Variants in C4orf51 observed in about 807,000 individuals in gnomAD.
C4orf51 encodes uncharacterized protein C4orf51.
In C4orf51, 25 loss-of-function variants were observed where a neutral mutation model predicts 25.2. The ratio of observed to expected loss-of-function variants is 0.99; its 90% CI spans 0.72 to 1.39. C4orf51 has a LOEUF of 1.39. C4orf51 is among the 40% of genes most tolerant of loss of function. C4orf51 has a pLI of 0.00. For synonymous variants in C4orf51, 100 were observed against 84.5 expected (o/e 1.18, Z -1.01); for missense variants, 252 against 239.6 (o/e 1.05, Z -0.34).
chr4:145,787,594 G>A, the C4orf51 span, among the ~76,000 whole-genome samples: 1 of 151,980 alleles, frequency 6.6e-6, no homozygotes, highest in East Asian at 1.9e-4. Context: ...AACCTCCAAT[G>A]CTTAACAAAC....
downstream of C4orf51, among the ~76,000 whole-genome samples, chr4:145,733,111 C>A (rs945972749): frequency 1.3e-5 from 2 of 152,108 alleles, no homozygotes; most frequent in Non-Finnish European, 2.9e-5. Flanking sequence ...CCGGCTCCCT[C>A]GGTAGGCTGC....
At chr4:145,684,423 A>T (rs988443184) in intron 1 of C4orf51, among the ~76,000 whole-genome samples, 1 of 152,240 alleles carries the variant, frequency 6.6e-6, no homozygotes, top group Non-Finnish European at 1.5e-5. Flanking sequence ...CGGAGCTTGC[A>T]GTGAGCCAAG....
At chr4:145,784,018 G>C in the C4orf51 span, among the ~76,000 whole-genome samples, 2 of 152,124 alleles carry the variant, frequency 1.3e-5, no homozygotes. Flanking sequence ...GTTTAAAAGT[G>C]TGCAGCACCT....
At chr4:145,689,850 A>G (rs1028326873) in intron 1 of C4orf51, among the ~76,000 whole-genome samples, 2 of 152,188 alleles carry the variant, frequency 1.3e-5, no homozygotes. Flanking sequence ...ACCTTTCACC[A>G]TATAAAAAAA....
intron 1 of C4orf51, among the ~76,000 whole-genome samples, chr4:145,689,225 A>C (rs1729372676): frequency 6.6e-6 from 1 of 152,260 alleles, no homozygotes; most frequent in Non-Finnish European, 1.5e-5. Context: ...AAGATTTCTT[A>C]AACAAAACAC....
At chr4:145,747,770 C>CTG (rs1193389589) in intron 1 of C4orf51, among the ~76,000 whole-genome samples, 243 of 142,134 alleles carry the variant, frequency 1.7e-3, no homozygotes, top group African/African-American at 6.1e-3. Context: ...CTTCCTCTCT[C>CTG]TTTTCCTTTT....
rs748142852 is a variant in C4orf51, at chr4:145,765,668, T to G, written n.167-5320T>G. Reference sequence around the variant, plus strand: ...CATCTGAATCATCTTTGCTGTTGGCTGAATCACTCAGAGCTGAGAGGGAGG... The same window carrying G: ...CATCTGAATCATCTTTGCTGTTGGCGGAATCACTCAGAGCTGAGAGGGAGG... On this transcript the variant is annotated intron_variant and non_coding_transcript_variant, in intron 1 of 1. Coordinates refer to the C4orf51 transcript ENST00000510096. This position sits in a 1 kb window ranked among gnomAD's most constrained non-coding sequence, Gnocchi z 4.7. 2 of 1,614,190 alleles carry G rather than the reference T, an allele frequency of 1.2e-6. No individual in the cohort carries two copies. Among genetic ancestry groups the G allele is most frequent in the Non-Finnish European group, 1.7e-6 (2 of 1,180,024 alleles).
chr4:145,692,966 T>C (rs1319326416), intron 1 of C4orf51, among the ~76,000 whole-genome samples: 1 of 59,084 alleles, frequency 1.7e-5, no homozygotes, highest in Admixed American at 2.6e-4. Context: ...TTTTTTTTTT[T>C]TTTTTTTTTT....
chr4:145,745,965 T>C (rs937401468), intron 1 of C4orf51, among the ~76,000 whole-genome samples: 5 of 152,348 alleles, frequency 3.3e-5, no homozygotes, highest in Admixed American at 6.5e-5. Context: ...TGCATTTCTC[T>C]GATGATCAGT....
At chr4:145,722,929 T>C (rs1272269529) in intron 2 of C4orf51, among the ~76,000 whole-genome samples, 4 of 152,116 alleles carry the variant, frequency 2.6e-5, no homozygotes, top group African/African-American at 9.7e-5. Flanking sequence ...TCTGTCACTG[T>C]CTCCTATCAC....
chr4:145,765,597 A>G lies in C4orf51; in HGVS notation n.167-5391A>G, dbSNP rs569928074. 6.2e-7 allele frequency: 1 copy of G among 1,614,010 alleles called. No individual in the cohort carries two copies. The highest frequency in any genetic ancestry group is 1.1e-5 in the South Asian group (1 of 91,070). On this transcript the variant is annotated intron_variant and non_coding_transcript_variant, in intron 1 of 1. Coordinates refer to the C4orf51 transcript ENST00000510096. The surrounding 1 kb of genome is among the most constrained non-coding windows in gnomAD (Gnocchi z 4.7). ...CAGTGAGGGCTGGCTCCCAGGCATG[A>G]CAGAGATGACCAGCAGATTGTTCCC...
At chr4:145,694,245 G>A (rs1300334614) in intron 1 of C4orf51, among the ~76,000 whole-genome samples, 1 of 140,758 alleles carries the variant, frequency 7.1e-6, no homozygotes, top group Non-Finnish European at 1.6e-5. Context: ...TTCCTAGATG[G>A]GATGGCGGCC....
At chr4:145,723,679 C>T (rs907240864) in intron 2 of C4orf51, among the ~76,000 whole-genome samples, 1 of 152,166 alleles carries the variant, frequency 6.6e-6, no homozygotes, top group African/African-American at 2.4e-5. Context: ...TTGGTAATTA[C>T]AAAGATATTT....
chr4:145,779,575 A>G, the C4orf51 span: 7 of 1,574,040 alleles, frequency 4.4e-6, no homozygotes, highest in Non-Finnish European at 6.0e-6. Context: ...CTGTTAGTCA[A>G]CATTCAGGAT....
chr4:145,772,088 A>T (rs141222878), downstream of C4orf51, among the ~76,000 whole-genome samples: 1 of 152,194 alleles, frequency 6.6e-6, no homozygotes, highest in Non-Finnish European at 1.5e-5. Context: ...TTCCACATAG[A>T]TTACAGAAAT....
At chr4:145,682,972 C>T (rs887873101) in intron 1 of C4orf51, among the ~76,000 whole-genome samples, 8 of 151,610 alleles carry the variant, frequency 5.3e-5, no homozygotes, top group Admixed American at 2.6e-4. Context: ...ACATTATCAT[C>T]TACATAGAAA....
At chr4:145,776,306 A>T in the C4orf51 span, among the ~76,000 whole-genome samples, 5 of 152,168 alleles carry the variant, frequency 3.3e-5, no homozygotes, top group Middle Eastern at 3.4e-3. Flanking sequence ...AAAAATTTTT[A>T]AAAAATTAGT....
intron 2 of C4orf51, among the ~76,000 whole-genome samples, chr4:145,700,538 A>G (rs1730364876): frequency 6.6e-6 from 1 of 152,186 alleles, no homozygotes; most frequent in Non-Finnish European, 1.5e-5. Context: ...AGTTCCAAAT[A>G]GCCGGAAAAT....
intron 2 of C4orf51, among the ~76,000 whole-genome samples, chr4:145,715,295 C>G (rs1731350077): frequency 6.6e-6 from 1 of 152,216 alleles, no homozygotes; most frequent in Non-Finnish European, 1.5e-5. Context: ...GTCTTTGCCT[C>G]TCTTCCCTGT....
Sources: gnomAD v4.1 joint callset for allele counts (sites outside exome capture counted in the v4.1 genomes callset) on GRCh38, gnomAD v4.1.1 for gene constraint, Gnocchi (gnomAD v3.1) non-coding constraint, MANE v1.5 for transcripts, NCBI Gene and HGNC (gene_info 2026-07-23, HGNC 2026-07-21) for gene names.